OPN5: variants seen among roughly 807,000 people sequenced by gnomAD.
The protein encoded by OPN5 is opsin 5.
Under a neutral mutation model 41.7 loss-of-function variants are expected in OPN5, and 18 were observed. That is an observed-to-expected ratio of 0.43 (90% confidence interval 0.30 to 0.64). The LOEUF is 0.64. Among genes scored for constraint, OPN5 ranks in the 30% least tolerant of loss-of-function variants. The pLI, the probability that OPN5 is intolerant of heterozygous loss-of-function variation, is 0.13. For synonymous variants in OPN5, 178 were observed against 164.3 expected (o/e 1.08, Z -0.64); for missense variants, 318 against 434.5 (o/e 0.73, Z 2.38).
At chr6:47,820,537 G>T (rs943194048) in intron 6 of OPN5, among the ~76,000 whole-genome samples, 2 of 152,154 alleles carry the variant, frequency 1.3e-5, no homozygotes, top group Non-Finnish European at 2.9e-5. Context: ...TGAGAAATTA[G>T]AGCTGATTTC....
chr6:47,791,371 GTGTATT>G (rs1773365030), intron 2 of OPN5, among the ~76,000 whole-genome samples: 1 of 151,730 alleles, frequency 6.6e-6, no homozygotes, highest in African/African-American at 2.4e-5. Context: ...TGCTTGAAGA[GTGTATT>G]TTCTCTCAGA....
intron 6 of OPN5, among the ~76,000 whole-genome samples, chr6:47,815,844 T>C (rs1257343597): frequency 6.6e-6 from 1 of 152,108 alleles, no homozygotes; most frequent in African/African-American, 2.4e-5. Context: ...GCATATTTGT[T>C]CACCAGGTTA....
At chr6:47,789,898 A>ATTTT (rs5876034) in intron 2 of OPN5, among the ~76,000 whole-genome samples, 1 of 143,840 alleles carries the variant, frequency 7.0e-6, no homozygotes, top group Non-Finnish European at 1.5e-5. Context: ...TTCCTCAGTA[A>ATTTT]TTTTTTTTTT....
intron 2 of OPN5, among the ~76,000 whole-genome samples, chr6:47,789,386 C>T (rs1015259747): frequency 2.0e-5 from 3 of 151,278 alleles, no homozygotes; most frequent in Non-Finnish European, 4.4e-5. Context: ...CATACCACAT[C>T]TTATATTACA....
At position 47,785,740 on chromosome 6, in the gene OPN5, A is replaced by G. The variant is rs534977977; in HGVS notation, c.131-775A>G. ...AAGAACTTTCGAACAGTTTCATTGT[A>G]ATGCCAAAGGCAACTAGTCATTAAT... On this transcript the variant is annotated intron_variant, in intron 1 of 6. Transcript: ENST00000371211. Among the ~76,000 whole-genome samples the G allele has an allele frequency of 2.5e-4, 38 of 152,354 alleles. 1 individual carries two copies. In the South Asian group the frequency reaches 4.8e-3, roughly 19 times the overall value.
At chr6:47,817,217 G>A (rs1033036637) in intron 6 of OPN5, among the ~76,000 whole-genome samples, 1 of 152,102 alleles carries the variant, frequency 6.6e-6, no homozygotes, top group Admixed American at 6.6e-5. Flanking sequence ...GTCAGAGCAC[G>A]TTGCCTATTT....
intron 1 of OPN5, among the ~76,000 whole-genome samples, chr6:47,785,804 G>A (rs902479744): frequency 3.9e-5 from 6 of 152,230 alleles, no homozygotes; most frequent in African/African-American, 1.4e-4. Flanking sequence ...TTATGGCATT[G>A]TTGGTAGGTT....
intron 1 of OPN5, among the ~76,000 whole-genome samples, chr6:47,782,986 C>T (rs1326687714): frequency 6.6e-6 from 1 of 151,870 alleles, no homozygotes; most frequent in Non-Finnish European, 1.5e-5. Context: ...GAACATACAA[C>T]ATTTTAGGTA....
At chr6:47,793,718 C>A in intron 3 of OPN5, 1 of 546,030 alleles carries the variant, frequency 1.8e-6, no homozygotes, top group Non-Finnish European at 2.3e-6. Flanking sequence ...AACACAGAAC[C>A]AATCTACTAA....
At chr6:47,820,079 A>T (rs114828985) in intron 6 of OPN5, among the ~76,000 whole-genome samples, 2,097 of 152,166 alleles carry the variant, frequency 0.014, 22 homozygotes, top group South Asian at 0.025. Context: ...TTTTAATGGA[A>T]CACAACCATG....
chr6:47,797,137 A>G (rs1773598923), intron 4 of OPN5, among the ~76,000 whole-genome samples: 2 of 152,182 alleles, frequency 1.3e-5, no homozygotes, highest in Non-Finnish European at 1.5e-5. Context: ...GCTACAATTC[A>G]AGATGAGATC....
At chr6:47,791,726 A>C (rs1773379972) in intron 2 of OPN5, 76 bp from the exon 3 acceptor site, 2 of 1,234,694 alleles carry the variant, frequency 1.6e-6, no homozygotes, top group Admixed American at 3.6e-5. Context: ...TTAGGGGAGG[A>C]GGTTCAGGTG....
intron 6 of OPN5, chr6:47,823,588 T>C (rs1762703216): frequency 3.8e-6 from 1 of 264,374 alleles, no homozygotes. Context: ...AAAGGAAGGG[T>C]ATATGGGAGA....
intron 4 of OPN5, among the ~76,000 whole-genome samples, chr6:47,801,323 C>G (rs971769572): frequency 1.3e-5 from 2 of 152,212 alleles, no homozygotes; most frequent in Admixed American, 1.3e-4. Flanking sequence ...AACTCTGGCT[C>G]TAGGGCCTCT....
At chr6:47,797,124 G>A (rs1469519084) in intron 4 of OPN5, among the ~76,000 whole-genome samples, 1 of 152,116 alleles carries the variant, frequency 6.6e-6, no homozygotes, top group Non-Finnish European at 1.5e-5. Context: ...GAGCATTATG[G>A]GAGCTACAAT....
At chr6:47,787,923 TTCTC>T (rs1289557986) in intron 2 of OPN5, among the ~76,000 whole-genome samples, 4 of 152,176 alleles carry the variant, frequency 2.6e-5, no homozygotes, top group African/African-American at 9.7e-5. Context: ...CGATATTTGT[TTCTC>T]TCTTCGCAAG....
At position 47,812,985 on chromosome 6, in the gene OPN5, G is replaced by T. The variant is rs561762557; in HGVS notation, c.1056+1254G>T. On this transcript the variant is annotated intron_variant, in intron 6 of 6. Transcript: ENST00000371211. ...TGTCTTTGTTCTTTGTCAGTCAGGGGTGTGGGATGAGGAATGACTTGATGT... is the reference window on the plus strand; with the variant it reads ...TGTCTTTGTTCTTTGTCAGTCAGGGTTGTGGGATGAGGAATGACTTGATGT... Among the ~76,000 whole-genome samples, 28 of 152,192 alleles carry T rather than the reference G, an allele frequency of 1.8e-4. No individual in the cohort carries two copies. The East Asian group carries it at 4.4e-3, about 24-fold the overall frequency.
intron 4 of OPN5, among the ~76,000 whole-genome samples, chr6:47,796,588 T>A (rs1773579500): frequency 6.6e-6 from 1 of 152,198 alleles, no homozygotes; most frequent in Non-Finnish European, 1.5e-5. Context: ...ATTGAAGTTA[T>A]AATTATTTCT....
At chr6:47,807,075 T>A (rs1478266231) in intron 4 of OPN5, among the ~76,000 whole-genome samples, 1 of 152,194 alleles carries the variant, frequency 6.6e-6, no homozygotes, top group Non-Finnish European at 1.5e-5. Flanking sequence ...GAGAATCGCT[T>A]GAACCTGGCA....
Sources: gnomAD v4.1 joint callset for allele counts (sites outside exome capture counted in the v4.1 genomes callset) on GRCh38, gnomAD v4.1.1 for gene constraint, MANE v1.5 for transcripts, NCBI Gene and HGNC (gene_info 2026-07-23, HGNC 2026-07-21) for gene names.